RPL27A: variants seen among roughly 807,000 people sequenced by gnomAD.
The protein encoded by RPL27A is ribosomal protein L27a.
For missense variants in RPL27A, 118 were observed against 189.4 expected, an observed-to-expected ratio of 0.62 and a Z score of 2.21; for synonymous variants, 69 against 68.3, an observed-to-expected ratio of 1.01 and a Z score of -0.05.
At position 8,688,498 on chromosome 11, in the gene RPL27A, G is replaced by C. The variant is rs2133621406; in HGVS notation, c.*2692G>C. On this transcript the variant is annotated 3_prime_UTR_variant, in exon 5 of 5. Coordinates refer to ENST00000314138, the MANE Select transcript of RPL27A (RefSeq NM_000990.5). The stretch of plus-strand genomic sequence containing the variant: ...CCGATTCCAGTGCTTTCTTGAACCC[G>C]CATTTACTAAAATATTTTCATGACT... The C allele has an allele frequency of 6.6e-6, 1 of 152,296 alleles. No homozygotes were observed. Among genetic ancestry groups the C allele is most frequent in the Middle Eastern group, 3.4e-3 (1 of 294 alleles). 9.4% of individuals were successfully genotyped at this position (152,296 alleles called of 1,614,324 possible).
At chr11:8,685,597 G>C (rs1323961648) in intron 4 of RPL27A, 81 bp from the exon 5 acceptor site, 3 of 1,492,904 alleles carry the variant, frequency 2.0e-6, no homozygotes, top group Non-Finnish European at 2.8e-6. Context: ...TTAGAAAGTG[G>C]GTTGGCAGTC....
At chr11:8,684,126 G>A (rs926967007) in intron 3 of RPL27A, 45 bp downstream of exon 3, 2 of 1,520,588 alleles carry the variant, frequency 1.3e-6, no homozygotes, top group South Asian at 1.1e-5. Context: ...TTGGGAGGTA[G>A]GGGCAGAGAG....
Position 8,688,786 on chromosome 11 carries a change from C to T in RPL27A, c.*2980C>T, listed in dbSNP as rs952925383. The T allele has an allele frequency of 6.6e-5, 10 of 152,266 alleles. No homozygotes were observed. Among genetic ancestry groups the T allele is most frequent in the Admixed American group, 2.0e-4 (3 of 15,284 alleles). The allele number at this position is 152,266 out of a possible 1,614,324, so 9.4% of individuals were successfully genotyped here. On this transcript the variant is annotated 3_prime_UTR_variant, in exon 5 of 5. Coordinates refer to ENST00000314138, the MANE Select transcript of RPL27A (RefSeq NM_000990.5). ...AAAATAAATGTACTACTAAACCCTA[C>T]TTAGCGGCTAACTAGCCCAAGAGCA...
At chr11:8,684,175 C>T in intron 3 of RPL27A, 94 bp downstream of exon 3, 1 of 1,024,304 alleles carries the variant, frequency 9.8e-7, no homozygotes. Context: ...GCAAGCCTTG[C>T]CTATTGCTGT....
chr11:8,689,769 G>A lies in RPL27A; in HGVS notation c.*3963G>A, dbSNP rs1326631890. On this transcript the variant is annotated 3_prime_UTR_variant, in exon 5 of 5. Transcript: ENST00000314138. Reference sequence around the variant, plus strand: ...TATTTTCCTCTCATTCCCACTTTACGTTGTTTCAAATAACCTAGTTTGTGT... The same window carrying A: ...TATTTTCCTCTCATTCCCACTTTACATTGTTTCAAATAACCTAGTTTGTGT... The A allele has an allele frequency of 3.3e-5, 5 of 152,030 alleles. No homozygotes were observed. The East Asian group carries it at 5.8e-4, about 18-fold the overall frequency. 9.4% of individuals were successfully genotyped at this position (152,030 alleles called of 1,614,324 possible).
rs1369799579 is a variant in RPL27A, at chr11:8,686,338, C to G, written c.*532C>G. The G allele has an allele frequency of 6.5e-6, 1 of 152,968 alleles. No homozygotes were observed. The highest frequency in any genetic ancestry group is 1.5e-5 in the Non-Finnish European group (1 of 68,706). The allele number at this position is 152,968 out of a possible 1,614,324, so 9.5% of individuals were successfully genotyped here. On this transcript the variant is annotated 3_prime_UTR_variant, in exon 5 of 5. Transcript: ENST00000314138. Reference sequence around the variant, plus strand: ...CCTCCGCCTCCCAGGTTAAGCGATTCTCCTGCCTCAGCTTCCTGACTAACT... The same window carrying G: ...CCTCCGCCTCCCAGGTTAAGCGATTGTCCTGCCTCAGCTTCCTGACTAACT...
chr11:8,683,492 G>C, intron 2 of RPL27A: 2 of 586,510 alleles, frequency 3.4e-6, no homozygotes, highest in Non-Finnish European at 6.1e-6. Context: ...TTGAAGACAT[G>C]GAGTACTGTG....
In RPL27A at chr11:8,687,314, T is replaced by A. The variant is rs1321571080; in HGVS notation, c.*1508T>A. ...CTTTGGAGGCTGAGCCAGGAGAATC[T>A]CCAGGAGGCGGAGGTTGCTGTGAGC... On this transcript the variant is annotated 3_prime_UTR_variant, in exon 5 of 5. Transcript: ENST00000314138. 2 of 148,120 alleles carry A rather than the reference T, an allele frequency of 1.4e-5. No homozygotes were observed. Among genetic ancestry groups the A allele is most frequent in the Non-Finnish European group, 3.0e-5 (2 of 67,686 alleles). The allele number at this position is 148,120 out of a possible 1,614,324, so 9.2% of individuals were successfully genotyped here.
chr11:8,688,603 A>G lies in RPL27A; in HGVS notation c.*2797A>G, dbSNP rs1216728445. 6.6e-6 allele frequency: 1 copy of G among 152,188 alleles called. No homozygotes were observed. Among genetic ancestry groups the G allele is most frequent in the Non-Finnish European group, 1.5e-5 (1 of 68,040 alleles). 9.4% of individuals were successfully genotyped at this position (152,188 alleles called of 1,614,324 possible). ...GTGGCTGGCTAAAGCTTGAATTGCA[A>G]AAGATCTAATTTCTGGTCTAATGTA... On this transcript the variant is annotated 3_prime_UTR_variant, in exon 5 of 5. Coordinates refer to ENST00000314138, the MANE Select transcript of RPL27A (RefSeq NM_000990.5).
In RPL27A at chr11:8,688,415, C is replaced by A. The variant is rs992802851; in HGVS notation, c.*2609C>A. ...CCAGAAGCTACAGCTACTAACAGTT[C>A]TAAAAACTGTTTCATGTGATGAGGA... On this transcript the variant is annotated 3_prime_UTR_variant, in exon 5 of 5. Transcript: ENST00000314138. 6.6e-6 allele frequency: 1 copy of A among 152,050 alleles called. No individual in the cohort carries two copies. The highest frequency in any genetic ancestry group is 1.9e-4 in the East Asian group (1 of 5,200). 9.4% of individuals were successfully genotyped at this position (152,050 alleles called of 1,614,324 possible). A position where few individuals can be genotyped will look rare whatever the true frequency, so the allele number is the denominator to read the frequency against.
rs2039606372 is a variant in RPL27A, at chr11:8,688,358, AAC to A, written c.*2555_*2556del. Reference sequence around the variant, plus strand: ...ATCCGATCCCCTGGCCTGGGAAAGAAACACTGATTTCGTTGCTGGCTTGTTCA... The same window carrying A: ...ATCCGATCCCCTGGCCTGGGAAAGAAACTGATTTCGTTGCTGGCTTGTTCA... On this transcript the variant is annotated 3_prime_UTR_variant, in exon 5 of 5. Transcript: ENST00000314138. The A allele has an allele frequency of 1.3e-5, 2 of 152,234 alleles. No homozygotes were observed. The highest frequency in any genetic ancestry group is 4.1e-4 in the South Asian group (2 of 4,828). 9.4% of individuals were successfully genotyped at this position (152,234 alleles called of 1,614,324 possible).
intron 1 of RPL27A, 164 bp downstream of exon 1, chr11:8,682,980 G>C (rs2039515351): frequency 2.0e-6 from 2 of 1,009,144 alleles, no homozygotes; most frequent in Non-Finnish European, 2.9e-6. Context: ...CGGGGCTCCC[G>C]GAGCCGTGTG....
rs763578628 is a variant in RPL27A at position 8,684,247 on chromosome 11, TGGGTATCG to T, written c.143+168_143+175del. 2.1e-5 allele frequency: 16 copies of T among 771,000 alleles called. No individual in the cohort carries two copies. In the East Asian group the frequency reaches 3.7e-4, roughly 18 times the overall value. The allele number at this position is 771,000 out of a possible 1,614,324, so 47.8% of individuals were successfully genotyped here. A position where few individuals can be genotyped will look rare whatever the true frequency, so the allele number is the denominator to read the frequency against. On this transcript the variant is annotated intron_variant, in intron 3 of 4. Coordinates refer to ENST00000314138, the MANE Select transcript of RPL27A (RefSeq NM_000990.5). ...CTGTCATCGAGGCTAGAGTCACGCT[TGGGTATCG>T]GCTATTGCCTGAGTGTGCTAGAGTC...
At position 8,688,276 on chromosome 11, in the gene RPL27A, G is replaced by A. The variant is rs531251182; in HGVS notation, c.*2470G>A. 3 of 152,164 alleles carry A rather than the reference G, an allele frequency of 2.0e-5. No individual in the cohort carries two copies. The highest frequency in any genetic ancestry group is 6.5e-5 in the Admixed American group (1 of 15,278). 9.4% of individuals were successfully genotyped at this position (152,164 alleles called of 1,614,324 possible). ...AAGGCATGGAAGGAAGTAGAGTTTGGGGGGAAGGATCCCTAGTCCCTTAAT... is the reference window on the plus strand; with the variant it reads ...AAGGCATGGAAGGAAGTAGAGTTTGAGGGGAAGGATCCCTAGTCCCTTAAT... On this transcript the variant is annotated 3_prime_UTR_variant, in exon 5 of 5. Coordinates refer to ENST00000314138, the MANE Select transcript of RPL27A (RefSeq NM_000990.5).
In RPL27A at chr11:8,688,292, G is replaced by A. The variant is rs2133621178; in HGVS notation, c.*2486G>A. ...TAGAGTTTGGGGGGAAGGATCCCTA[G>A]TCCCTTAATGGCTACCTTCTTCCCC... On this transcript the variant is annotated 3_prime_UTR_variant, in exon 5 of 5. Coordinates refer to ENST00000314138, the MANE Select transcript of RPL27A (RefSeq NM_000990.5). The A allele has an allele frequency of 6.6e-6, 1 of 152,316 alleles. No individual in the cohort carries two copies. Among genetic ancestry groups the A allele is most frequent in the Non-Finnish European group, 1.5e-5 (1 of 68,028 alleles). The allele number at this position is 152,316 out of a possible 1,614,324, so 9.4% of individuals were successfully genotyped here.
At position 8,685,274 on chromosome 11, in the gene RPL27A, ACT is replaced by A. The variant is rs2039575666; in HGVS notation, c.318+386_318+387del. 46 of 450,558 alleles carry A rather than the reference ACT, an allele frequency of 1.0e-4. 1 individual carries two copies. The highest frequency in any genetic ancestry group is 8.3e-4 in the South Asian group (45 of 54,320). The allele number at this position is 450,558 out of a possible 1,614,324, so 27.9% of individuals were successfully genotyped here. A position where few individuals can be genotyped will look rare whatever the true frequency, so the allele number is the denominator to read the frequency against. ...GGTTCTGGTCCCTGTGTCAGTCTTA[ACT>A]CTCATGAATATAGAGGTAGTGTTAA... is the stretch of plus-strand genomic sequence containing the variant. On this transcript the variant is annotated intron_variant, in intron 4 of 4. Transcript: ENST00000314138.
chr11:8,688,293 T>C lies in RPL27A; in HGVS notation c.*2487T>C, dbSNP rs1052653992. 6.6e-6 allele frequency: 1 copy of C among 152,186 alleles called. No homozygotes were observed. The highest frequency in any genetic ancestry group is 1.5e-5 in the Non-Finnish European group (1 of 68,032). 9.4% of individuals were successfully genotyped at this position (152,186 alleles called of 1,614,324 possible). A position where few individuals can be genotyped will look rare whatever the true frequency, so the allele number is the denominator to read the frequency against. On this transcript the variant is annotated 3_prime_UTR_variant, in exon 5 of 5. Transcript: ENST00000314138. ...AGAGTTTGGGGGGAAGGATCCCTAGTCCCTTAATGGCTACCTTCTTCCCCA... is the reference window on the plus strand; with the variant it reads ...AGAGTTTGGGGGGAAGGATCCCTAGCCCCTTAATGGCTACCTTCTTCCCCA...
At chr11:8,685,509 G>T (rs1225044927) in intron 4 of RPL27A, 169 bp from the exon 5 acceptor site, 2 of 769,012 alleles carry the variant, frequency 2.6e-6, no homozygotes, top group East Asian at 5.0e-5. Context: ...AGAATCTACT[G>T]GTCTTGATTC....
Position 8,684,801 on chromosome 11 carries a change from A to G in RPL27A, c.227A>G (p.Asp76Gly), listed in dbSNP as rs777153516. 4.3e-6 allele frequency: 7 copies of G among 1,613,920 alleles called. No individual in the cohort carries two copies. In the East Asian group the frequency reaches 6.7e-5, roughly 15 times the overall value. Residue 76 changes from aspartate (D) to glycine (G), a missense_variant, in exon 4 of 5, where the codon GAC (aspartate) becomes GGC (glycine). Coordinates refer to ENST00000314138, the MANE Select transcript of RPL27A (RefSeq NM_000990.5). ...NQSFCPTVNL[D>G]KLWTLVSEQT... The stretch of plus-strand genomic sequence containing the variant: ...AGCTTCTGCCCAACTGTCAACCTTG[A>G]CAAATTGTGGACTTTGGTCAGTGAA...
Sources: gnomAD v4.1 joint callset for allele counts on GRCh38, gnomAD v4.1.1 for gene constraint, MANE v1.5 for transcripts, NCBI Gene and HGNC (gene_info 2026-07-23, HGNC 2026-07-21) for gene names.